Variants in UGT2A3 observed in about 807,000 individuals in gnomAD.
The protein encoded by UGT2A3 is UDP glucuronosyltransferase family 2 member A3, also known as UDP-glucuronosyltransferase 2A3.
UGT2A3 carries 55 observed loss-of-function variants against 44.1 expected under a neutral mutation model. That is an observed-to-expected ratio of 1.25 (90% confidence interval 1.00 to 1.56). The LOEUF (loss-of-function observed/expected upper bound fraction) is 1.56. Ranked by LOEUF, UGT2A3 falls within the 40% of genes most tolerant of loss-of-function variation. The pLI is 0.00. For synonymous variants in UGT2A3, 243 were observed against 215.1 expected (o/e 1.13, Z -1.13); for missense variants, 733 against 621.6 (o/e 1.18, Z -1.91).
intron 3 of UGT2A3, among the ~76,000 whole-genome samples, chr4:68,932,402 TTATTA>T (rs1354117119): frequency 2.6e-5 from 4 of 151,996 alleles, no homozygotes; most frequent in African/African-American, 9.7e-5. Flanking sequence ...AGGGCTTTAT[TTATTA>T]TATCTATTTT....
intron 4 of UGT2A3, 144 bp downstream of exon 4, chr4:68,931,011 G>A (rs768700044): frequency 1.3e-6 from 1 of 754,818 alleles, no homozygotes; most frequent in Non-Finnish European, 2.1e-6. Context: ...TACAATTTTA[G>A]TCAATCCTTT....
chr4:68,941,800 A>T (rs1718196329), intron 2 of UGT2A3, among the ~76,000 whole-genome samples: 2 of 151,882 alleles, frequency 1.3e-5, no homozygotes, highest in Non-Finnish European at 2.9e-5. Flanking sequence ...ATAAATTACT[A>T]ATTTGATTAA....
In UGT2A3 at chr4:68,929,663, T is replaced by C. The variant is rs1226325722; in HGVS notation, c.*150A>G. 4 of 712,858 alleles carry C rather than the reference T, an allele frequency of 5.6e-6. No homozygotes were observed. The African/African-American group carries it at 7.1e-5, about 13-fold the overall frequency. 44.2% of individuals were successfully genotyped at this position (712,858 alleles called of 1,614,324 possible). A position where few individuals can be genotyped will look rare whatever the true frequency, so the allele number is the denominator to read the frequency against. On this transcript the variant is annotated 3_prime_UTR_variant, in exon 6 of 6. Coordinates refer to ENST00000251566, the MANE Select transcript of UGT2A3 (RefSeq NM_024743.4). ...AATACAACGAAAGAATGAGATATAC[T>C]CACAACCTCATGATCGTGGAATTCT...
At chr4:68,947,226 G>A (rs912349025) in intron 1 of UGT2A3, among the ~76,000 whole-genome samples, 1 of 151,688 alleles carries the variant, frequency 6.6e-6, no homozygotes, top group East Asian at 2.0e-4. Context: ...CTAATTTTGT[G>A]TAATATTCTA....
chr4:68,936,397 G>A (rs573909215), intron 2 of UGT2A3, among the ~76,000 whole-genome samples: 1 of 152,002 alleles, frequency 6.6e-6, no homozygotes, highest in Non-Finnish European at 1.5e-5. Flanking sequence ...AGAGAGTGGG[G>A]GCCAATATTC....
chr4:68,945,298 A>G lies in UGT2A3; in HGVS notation c.864+8T>C. On this transcript the variant is annotated splice_region_variant and intron_variant, in intron 2 of 5. Transcript: ENST00000251566. ...AGTACATAATATTCCTTAATACAAT[A>G]GTCCTACCTTAGGCAAAGCTTTGGC... 1 of 1,610,862 alleles carries G rather than the reference A, an allele frequency of 6.2e-7. No homozygotes were observed. Among genetic ancestry groups the G allele is most frequent in the Non-Finnish European group, 8.5e-7 (1 of 1,178,114 alleles).
chr4:68,935,520 A>G (rs1265331530), intron 2 of UGT2A3, among the ~76,000 whole-genome samples: 1 of 151,680 alleles, frequency 6.6e-6, no homozygotes, highest in East Asian at 2.0e-4. Context: ...ATCAAAATCA[A>G]TAAAAAGGAC....
In UGT2A3 at chr4:68,951,698, T is replaced by A. The variant is rs778107933; in HGVS notation, c.63A>T (p.Gly21=). ...GCCACACCAGGACTTTCCCACAGAATCCACAGCCAACACAGAAGAGCTGCA... is the reference window on the plus strand; with the variant it reads ...GCCACACCAGGACTTTCCCACAGAAACCACAGCCAACACAGAAGAGCTGCA... ...LLLQLFCVGC[G]FCGKVLVWPC... The change falls in exon 1 of 6, where the codon GGA becomes GGT. Residue 21 remains glycine, a synonymous_variant. Coordinates refer to ENST00000251566, the MANE Select transcript of UGT2A3 (RefSeq NM_024743.4). The A allele has an allele frequency of 1.2e-6, 2 of 1,611,004 alleles. No homozygotes were observed. Among genetic ancestry groups the A allele is most frequent in the Admixed American group, 1.7e-5 (1 of 59,678 alleles).
chr4:68,944,414 C>G (rs1163223760), intron 2 of UGT2A3, among the ~76,000 whole-genome samples: 1 of 151,794 alleles, frequency 6.6e-6, no homozygotes, highest in Non-Finnish European at 1.5e-5. Context: ...CTAATAGCCA[C>G]TTTTGGGACA....
chr4:68,951,683 G>T lies in UGT2A3; in HGVS notation c.78C>A (p.Val26=). The T allele has an allele frequency of 6.2e-7, 1 of 1,611,732 alleles. No individual in the cohort carries two copies. ...FCVGCGFCGK[V]LVWPCDMSHW... is the part of the protein sequence containing the mutation. ...GGCTCATGTCACAGGGCCACACCAGGACTTTCCCACAGAATCCACAGCCAA... is the reference window on the plus strand; with the variant it reads ...GGCTCATGTCACAGGGCCACACCAGTACTTTCCCACAGAATCCACAGCCAA... The change falls in exon 1 of 6, where the codon GTC becomes GTA. Residue 26 remains valine, a synonymous_variant. Coordinates refer to ENST00000251566, the MANE Select transcript of UGT2A3 (RefSeq NM_024743.4).
intron 2 of UGT2A3, among the ~76,000 whole-genome samples, chr4:68,936,960 G>C (rs556086397): frequency 1.6e-3 from 206 of 126,186 alleles, no homozygotes; most frequent in Non-Finnish European, 2.7e-3. Flanking sequence ...AACCAACAAA[G>C]ATCAAAAGAG....
rs1265974342 is a variant in UGT2A3, at chr4:68,929,745, T to G, written c.*68A>C. On this transcript the variant is annotated 3_prime_UTR_variant, in exon 6 of 6. Transcript: ENST00000251566. ...AGATAATATGAAAATAGCAAGGTTTTCACCAAATTCTATGTGGCTGGAATT... is the reference window on the plus strand; with the variant it reads ...AGATAATATGAAAATAGCAAGGTTTGCACCAAATTCTATGTGGCTGGAATT... The G allele has an allele frequency of 7.2e-7, 1 of 1,384,330 alleles. No homozygotes were observed. Among genetic ancestry groups the G allele is most frequent in the Non-Finnish European group, 9.8e-7 (1 of 1,018,228 alleles). 85.8% of individuals were successfully genotyped at this position (1,384,330 alleles called of 1,614,324 possible). A position where few individuals can be genotyped will look rare whatever the true frequency, so the allele number is the denominator to read the frequency against.
At chr4:68,943,307 T>C in intron 2 of UGT2A3, 1 of 1,268,984 alleles carries the variant, frequency 7.9e-7, no homozygotes, top group South Asian at 1.3e-5. Context: ...AATTGTCAGC[T>C]CTCCTTCTGT....
intron 2 of UGT2A3, among the ~76,000 whole-genome samples, chr4:68,934,801 T>G (rs573214641): frequency 1.3e-5 from 2 of 151,846 alleles, no homozygotes; most frequent in Admixed American, 6.6e-5. Flanking sequence ...ACTCAGGAGT[T>G]TGGGTTTCAG....
At chr4:68,945,739 G>A (rs62298467) in intron 1 of UGT2A3, among the ~76,000 whole-genome samples, 2 of 15,024 alleles carry the variant, frequency 1.3e-4, no homozygotes, top group African/African-American at 2.1e-4. Flanking sequence ...AAGGAAAGAA[G>A]GAAGGAAGGA....
chr4:68,947,623 A>G (rs577686187), intron 1 of UGT2A3, among the ~76,000 whole-genome samples: 2 of 151,810 alleles, frequency 1.3e-5, no homozygotes, highest in Non-Finnish European at 2.9e-5. Context: ...AAAGGTTTTC[A>G]ATATACTTTC....
chr4:68,949,246 T>G (rs1459746645), intron 1 of UGT2A3, among the ~76,000 whole-genome samples: 4 of 151,862 alleles, frequency 2.6e-5, no homozygotes, highest in African/African-American at 9.7e-5. Context: ...AACTTATTCC[T>G]TTATATTTTT....
intron 2 of UGT2A3, among the ~76,000 whole-genome samples, chr4:68,939,082 A>T (rs1312086590): frequency 6.6e-6 from 1 of 152,178 alleles, no homozygotes; most frequent in East Asian, 1.9e-4. Flanking sequence ...TTCCATGCTC[A>T]TGGATAGGAA....
chr4:68,930,600 G>C lies in UGT2A3; in HGVS notation c.1250C>G (p.Thr417Ser). The change falls in exon 5 of 6, where the codon ACT (threonine) becomes AGT (serine). Residue 417 changes from threonine to serine, a missense_variant. Thr to Ser is a moderately conservative substitution (Grantham distance 58). Transcript: ENST00000251566. ...KGAAVEINFK[T>S]MTSEDLLRAL... The stretch of plus-strand genomic sequence containing the variant: ...CCTCAGTAAATCTTCGCTTGTCATA[G>C]TTTTGAAGTTTATTTCTACAGCTGC... 6 of 1,613,414 alleles carry C rather than the reference G, an allele frequency of 3.7e-6. No homozygotes were observed. The highest frequency in any genetic ancestry group is 5.1e-6 in the Non-Finnish European group (6 of 1,179,632).
Sources: allele counts gnomAD v4.1 joint callset (sites outside exome capture counted in the v4.1 genomes callset), GRCh38; gene constraint gnomAD v4.1.1; transcripts MANE v1.5; gene names NCBI Gene and HGNC (gene_info 2026-07-23, HGNC 2026-07-21).